The following ARHGAP10 variants were observed in gnomAD, a reference collection of about 807,000 sequenced individuals.
ARHGAP10 encodes the protein Rho GTPase activating protein 10, also known as rho GTPase-activating protein 10.
A neutral mutation model predicts 108.6 loss-of-function variants in ARHGAP10; 87 were observed. That is an observed-to-expected ratio of 0.80 (90% CI 0.67 to 0.96). The LOEUF (loss-of-function observed/expected upper bound fraction) is 0.96. Ranked by LOEUF, ARHGAP10 falls within the 40% of genes least tolerant of loss-of-function variation. The probability of loss-of-function intolerance (pLI) is 0.00; values close to 1 mark genes in which losing one functional copy is unlikely to be tolerated. For synonymous variants in ARHGAP10, 347 were observed against 341.1 expected (o/e 1.02, Z -0.19); for missense variants, 939 against 954.5 (o/e 0.98, Z 0.21).
At chr4:148,047,231 C>A (rs1560891481) in intron 20 of ARHGAP10, among the ~76,000 whole-genome samples, 180 bp downstream of exon 20, 1 of 152,204 alleles carries the variant, frequency 6.6e-6, no homozygotes, top group Non-Finnish European at 1.5e-5. Flanking sequence ...TCCTTGAATA[C>A]TGTCTGTGTT....
At chr4:147,919,132 T>G (rs1737117840) in intron 13 of ARHGAP10, among the ~76,000 whole-genome samples, 1 of 152,238 alleles carries the variant, frequency 6.6e-6, no homozygotes, top group South Asian at 2.1e-4. Context: ...ATTGCAGTAT[T>G]TGCAAGGCTT....
At chr4:147,938,451 T>G (rs1738038598) in intron 13 of ARHGAP10, among the ~76,000 whole-genome samples, 1 of 152,166 alleles carries the variant, frequency 6.6e-6, no homozygotes, top group Admixed American at 6.5e-5. Flanking sequence ...GAAGAATGAA[T>G]GCTTTTGTGT....
intron 16 of ARHGAP10, among the ~76,000 whole-genome samples, chr4:147,960,525 A>T (rs2126990565): frequency 6.6e-6 from 1 of 152,346 alleles, no homozygotes. Context: ...TAGGCATTTC[A>T]TTACCAAAAA....
At chr4:147,977,328 C>A (rs528107674) in intron 18 of ARHGAP10, among the ~76,000 whole-genome samples, 1 of 151,860 alleles carries the variant, frequency 6.6e-6, no homozygotes, top group Non-Finnish European at 1.5e-5. Context: ...AAGGCACCAT[C>A]AGGTGCCTTT....
At chr4:147,739,509 A>C (rs1728565774) in intron 1 of ARHGAP10, among the ~76,000 whole-genome samples, 2 of 152,180 alleles carry the variant, frequency 1.3e-5, no homozygotes, top group Admixed American at 6.5e-5. Flanking sequence ...ACTCAAAATT[A>C]GGGTTTCTAG....
chr4:147,837,107 A>G (rs947843345), intron 3 of ARHGAP10, among the ~76,000 whole-genome samples: 1 of 152,072 alleles, frequency 6.6e-6, no homozygotes. Context: ...AAGTGGGGGA[A>G]CTTTATTGGC....
chr4:147,851,660 TTTCA>T (rs1465863778), intron 4 of ARHGAP10, among the ~76,000 whole-genome samples: 1 of 152,268 alleles, frequency 6.6e-6, no homozygotes, highest in Non-Finnish European at 1.5e-5. Context: ...ATTACATTTC[TTTCA>T]TTCAGTAATA....
At chr4:147,837,143 G>A (rs762511073) in intron 3 of ARHGAP10, among the ~76,000 whole-genome samples, 22 of 152,204 alleles carry the variant, frequency 1.4e-4, no homozygotes, top group Non-Finnish European at 2.6e-4. Flanking sequence ...ATTTAAACTT[G>A]AGCCTAGAAT....
In ARHGAP10 at chr4:148,052,392, CTTTT is replaced by C. The variant is rs35449374; in HGVS notation, c.2027+5358_2027+5361del. 3.3e-5 allele frequency among the ~76,000 whole-genome samples: 3 copies of C among 90,708 alleles called. No individual in the cohort carries two copies. The South Asian group carries it at 1.3e-3, about 39-fold the overall frequency. 59.5% of individuals were successfully genotyped at this position (90,708 alleles called of 152,430 possible). A position where few individuals can be genotyped will look rare whatever the true frequency, so the allele number is the denominator to read the frequency against. On this transcript the variant is annotated intron_variant, in intron 20 of 22. Coordinates refer to ENST00000336498, the MANE Select transcript of ARHGAP10 (RefSeq NM_024605.4). ...TTAAAAGTGTTTTTTTGCACATTTG[CTTTT>C]TTTTTTTTTTTTTTTTGGGCTAATT...
chr4:147,828,146 C>T (rs1236122049), intron 3 of ARHGAP10, among the ~76,000 whole-genome samples: 4 of 152,006 alleles, frequency 2.6e-5, no homozygotes, highest in Non-Finnish European at 5.9e-5. Flanking sequence ...TTCTGAAATC[C>T]TAAATTGAAT....
intron 1 of ARHGAP10, among the ~76,000 whole-genome samples, chr4:147,790,119 C>T (rs1379579149): frequency 6.6e-6 from 1 of 151,480 alleles, no homozygotes; most frequent in African/African-American, 2.4e-5. Context: ...CTGGGAAGTC[C>T]AAGATCAAGG....
chr4:147,839,118 A>ATCTG (rs1415889321), intron 3 of ARHGAP10, among the ~76,000 whole-genome samples: 62 of 147,010 alleles, frequency 4.2e-4, no homozygotes, highest in African/African-American at 1.3e-3. Context: ...CTATCTATCT[A>ATCTG]TCTATCTATC....
intron 1 of ARHGAP10, among the ~76,000 whole-genome samples, chr4:147,794,440 T>C (rs1194181193): frequency 6.6e-6 from 1 of 152,232 alleles, no homozygotes; most frequent in Admixed American, 6.5e-5. Context: ...CACATATATA[T>C]GTGCACTTTT....
chr4:147,932,648 A>G (rs1737752139), intron 13 of ARHGAP10, among the ~76,000 whole-genome samples: 1 of 138,490 alleles, frequency 7.2e-6, no homozygotes, highest in Non-Finnish European at 1.6e-5. Context: ...GGGACCTGTC[A>G]GAAGGCGGGG....
chr4:147,781,116 C>T lies in ARHGAP10; in HGVS notation c.155-41611C>T, dbSNP rs970048165. 2.2e-4 allele frequency among the ~76,000 whole-genome samples: 34 copies of T among 152,098 alleles called. 1 individual carries two copies. The highest frequency in any genetic ancestry group is 5.2e-4 in the Admixed American group (8 of 15,264). On this transcript the variant is annotated intron_variant, in intron 1 of 22. Coordinates refer to ENST00000336498, the MANE Select transcript of ARHGAP10 (RefSeq NM_024605.4). ...ATTCACGCCTGTAATACCAGCATTT[C>T]GGGAGGCTGAGGCGGGCGGATCACG...
At chr4:147,960,236 G>GT (rs1305242050) in intron 16 of ARHGAP10, among the ~76,000 whole-genome samples, 2 of 151,856 alleles carry the variant, frequency 1.3e-5, no homozygotes, top group Non-Finnish European at 2.9e-5. Context: ...GTATCTAGAA[G>GT]TTTTTTTAAT....
intron 18 of ARHGAP10, among the ~76,000 whole-genome samples, chr4:148,001,207 C>G (rs960135188): frequency 2.6e-5 from 4 of 152,104 alleles, no homozygotes; most frequent in African/African-American, 9.7e-5. Context: ...TCAGGTTTGT[C>G]AAAGATCATA....
intron 1 of ARHGAP10, among the ~76,000 whole-genome samples, chr4:147,798,775 C>CTATA (rs1731448271): frequency 2.3e-4 from 1 of 4,344 alleles, no homozygotes; most frequent in Non-Finnish European, 1.7e-3. Context: ...CTCTCTCTCT[C>CTATA]TCTCTCTATA....
At chr4:147,948,958 TCTGTCTCAAAAAAAAAAAAACAAAAAAAC>T (rs1015454014) in intron 15 of ARHGAP10, among the ~76,000 whole-genome samples, 8 of 148,800 alleles carry the variant, frequency 5.4e-5, no homozygotes, top group Admixed American at 5.3e-4. Context: ...AGAGCGAGAC[TCTGTCTCAAAAAAAAAAAAACAAAAAAAC>T]CCCCAAAAAA....
Sources: gnomAD v4.1 joint callset for allele counts (sites outside exome capture counted in the v4.1 genomes callset) on GRCh38, gnomAD v4.1.1 for gene constraint, MANE v1.5 for transcripts, NCBI Gene and HGNC (gene_info 2026-07-23, HGNC 2026-07-21) for gene names.